The following LRP1B variants were observed in gnomAD, a reference collection of about 807,000 sequenced individuals.
The protein encoded by LRP1B is low-density lipoprotein receptor-related protein 1B.
LRP1B carries 217 observed loss-of-function variants against 556.6 expected under a neutral mutation model. That is an observed-to-expected ratio of 0.39 (90% CI 0.35 to 0.44). The LOEUF is 0.44. Among genes scored for constraint, LRP1B ranks in the 20% least tolerant of loss-of-function variants. LRP1B has a pLI of 1.00. For missense variants in LRP1B, 5,053 were observed against 5,620.8 expected, an observed-to-expected ratio of 0.90 and a Z score of 3.23; for synonymous variants, 2,047 against 1,865.8, an observed-to-expected ratio of 1.10 and a Z score of -2.50.
At chr2:141,753,263 C>CCATATATATATATATATATATATAT (rs533996017) in intron 2 of LRP1B, among the ~76,000 whole-genome samples, 5 of 62,500 alleles carry the variant, frequency 8.0e-5, no homozygotes, top group Non-Finnish European at 1.4e-4. Context: ...TCTCTCTCTC[C>CCATATATATATATATATATATATAT]ATATATATAT....
In LRP1B at chr2:141,467,845, G is replaced by GGGGGC. The variant is rs1682302464; in HGVS notation, c.343+12550_343+12551insGCCCC. 6.3e-5 allele frequency among the ~76,000 whole-genome samples: 8 copies of GGGGGC among 127,488 alleles called. No homozygotes were observed. In the East Asian group the frequency reaches 1.3e-3, roughly 21 times the overall value. 83.6% of individuals were successfully genotyped at this position (127,488 alleles called of 152,430 possible). The stretch of plus-strand genomic sequence containing the variant: ...TGTTTGTTTGTTTGCGGACCGGGGG[G>GGGGGC]GGGGGAATTCCAGCATACAGTGTAG... On this transcript the variant is annotated intron_variant, in intron 3 of 90. Coordinates refer to ENST00000389484, the MANE Select transcript of LRP1B (RefSeq NM_018557.3).
intron 7 of LRP1B, among the ~76,000 whole-genome samples, chr2:141,072,718 C>G (rs1168972655): frequency 6.6e-6 from 1 of 152,154 alleles, no homozygotes; most frequent in South Asian, 2.1e-4. Context: ...TTGTCCTAAC[C>G]CTTTGATTCA....
intron 2 of LRP1B, among the ~76,000 whole-genome samples, chr2:141,754,466 T>C (rs991434857): frequency 1.3e-5 from 2 of 152,214 alleles, no homozygotes; most frequent in South Asian, 2.1e-4. Flanking sequence ...GACATTTATG[T>C]ATTTCTTAAA....
chr2:140,976,577 G>A (rs571534691), intron 18 of LRP1B, among the ~76,000 whole-genome samples: 23 of 138,926 alleles, frequency 1.7e-4, no homozygotes, highest in Non-Finnish European at 3.3e-4. Flanking sequence ...GCGCGATCTC[G>A]GCTCATTGCA....
chr2:142,118,496 A>G (rs572848088), intron 1 of LRP1B, among the ~76,000 whole-genome samples: 2 of 152,296 alleles, frequency 1.3e-5, no homozygotes, highest in East Asian at 3.9e-4. Flanking sequence ...TTTTCTGCCC[A>G]AATGACTTTA....
intron 43 of LRP1B, among the ~76,000 whole-genome samples, chr2:140,570,015 C>T (rs1455661036): frequency 6.6e-6 from 1 of 151,642 alleles, no homozygotes; most frequent in Non-Finnish European, 1.5e-5. Context: ...ATGTCAACAC[C>T]TATGGGATAC....
chr2:141,189,895 T>C (rs1681428682), intron 6 of LRP1B, among the ~76,000 whole-genome samples: 1 of 151,784 alleles, frequency 6.6e-6, no homozygotes, highest in Admixed American at 6.6e-5. Context: ...ATGGGTTTTC[T>C]CTGAAGTTCC....
chr2:140,825,473 C>T (rs1691470832), intron 31 of LRP1B, among the ~76,000 whole-genome samples: 1 of 151,934 alleles, frequency 6.6e-6, no homozygotes, highest in Non-Finnish European at 1.5e-5. Flanking sequence ...TGCATACAAA[C>T]CAACATGTGG....
At chr2:141,401,749 A>C (rs1004416398) in intron 3 of LRP1B, among the ~76,000 whole-genome samples, 3 of 152,174 alleles carry the variant, frequency 2.0e-5, no homozygotes, top group African/African-American at 7.2e-5. Context: ...TTTGGAAGTC[A>C]TAATCAATTT....
chr2:141,764,816 G>A (rs540303454), intron 2 of LRP1B, among the ~76,000 whole-genome samples: 2 of 152,166 alleles, frequency 1.3e-5, no homozygotes, highest in African/African-American at 4.8e-5. Context: ...ACACAAAATA[G>A]TGTGCATACT....
At chr2:141,028,453 T>G (rs1019235058) in intron 11 of LRP1B, among the ~76,000 whole-genome samples, 1 of 151,866 alleles carries the variant, frequency 6.6e-6, no homozygotes, top group Non-Finnish European at 1.5e-5. Context: ...TTATGTGTAA[T>G]CTAAAAATTG....
intron 41 of LRP1B, among the ~76,000 whole-genome samples, chr2:140,611,542 T>A (rs1683072520): frequency 6.6e-6 from 1 of 152,060 alleles, no homozygotes; most frequent in Admixed American, 6.6e-5. Context: ...ATGGTAGGGA[T>A]CGTAGAAAGA....
In LRP1B at chr2:140,663,269, G is replaced by T. The variant is rs959399839; in HGVS notation, c.6799+36981C>A. Among the ~76,000 whole-genome samples, 6 of 152,088 alleles carry T rather than the reference G, an allele frequency of 3.9e-5. 1 individual carries two copies. The highest frequency in any genetic ancestry group is 3.3e-4 in the Admixed American group (5 of 15,252). Reference sequence around the variant, plus strand: ...TTACAGACTATTACAAACACACCATGTTGGAAATACACTGGTCATCATCAT... The same window carrying T: ...TTACAGACTATTACAAACACACCATTTTGGAAATACACTGGTCATCATCAT... On this transcript the variant is annotated intron_variant, in intron 41 of 90. Transcript: ENST00000389484.
At chr2:141,523,547 G>T (rs1327129350) in intron 2 of LRP1B, among the ~76,000 whole-genome samples, 2 of 152,050 alleles carry the variant, frequency 1.3e-5, no homozygotes, top group African/African-American at 2.4e-5. Context: ...AAATGTGTAT[G>T]GTTATTTATG....
intron 2 of LRP1B, among the ~76,000 whole-genome samples, chr2:141,571,513 G>T (rs1686528858): frequency 6.6e-6 from 1 of 151,970 alleles, no homozygotes; most frequent in Non-Finnish European, 1.5e-5. Context: ...AAAAGCTAGA[G>T]TGCCTCTTCC....
At chr2:141,010,631 C>G (rs1156337371) in intron 14 of LRP1B, among the ~76,000 whole-genome samples, 1 of 151,994 alleles carries the variant, frequency 6.6e-6, no homozygotes. Flanking sequence ...TCTCCTGCCT[C>G]AGCCTCCCGA....
At chr2:141,365,506 C>T (rs1201665193) in intron 3 of LRP1B, among the ~76,000 whole-genome samples, 3 of 144,860 alleles carry the variant, frequency 2.1e-5, no homozygotes, top group East Asian at 4.1e-4. Context: ...TTGTCAAACA[C>T]TTCCATTCAC....
chr2:141,871,046 T>C (rs925239950), intron 1 of LRP1B, among the ~76,000 whole-genome samples: 1 of 151,992 alleles, frequency 6.6e-6, no homozygotes, highest in Non-Finnish European at 1.5e-5. Flanking sequence ...CTGATCATTC[T>C]GGATGTTAAG....
chr2:141,264,382 A>G (rs530250483), intron 3 of LRP1B, among the ~76,000 whole-genome samples: 1 of 152,316 alleles, frequency 6.6e-6, no homozygotes, highest in South Asian at 2.1e-4. Context: ...TAGCTGTAAT[A>G]AGGTGGAAGC....
Sources: allele counts gnomAD v4.1 joint callset (sites outside exome capture counted in the v4.1 genomes callset), GRCh38; gene constraint gnomAD v4.1.1; transcripts MANE v1.5; gene names NCBI Gene and HGNC (gene_info 2026-07-23, HGNC 2026-07-21).